Variants in SPAG16 observed in about 807,000 individuals in gnomAD.
SPAG16 encodes sperm-associated antigen 16 protein.
SPAG16 carries 86 observed loss-of-function variants against 80.4 expected under a neutral mutation model. The ratio of observed to expected loss-of-function variants is 1.07; its 90% CI spans 0.90 to 1.28. SPAG16 has a LOEUF of 1.28. Ranked by LOEUF, SPAG16 falls within the 50% of genes most tolerant of loss-of-function variation. SPAG16 has a pLI of 0.00. For synonymous variants in SPAG16, 294 were observed against 265.9 expected, an observed-to-expected ratio of 1.11 and a Z score of -1.03; for missense variants, 870 against 765.3, an observed-to-expected ratio of 1.14 and a Z score of -1.61.
intron 9 of SPAG16, among the ~76,000 whole-genome samples, chr2:213,379,774 C>A (rs1222916078): frequency 2.6e-5 from 4 of 152,176 alleles, no homozygotes; most frequent in Admixed American, 2.6e-4. Context: ...GGGCACTCAG[C>A]AGTAGCCATA....
chr2:214,057,955 A>C (rs1333560684), intron 13 of SPAG16, among the ~76,000 whole-genome samples: 1 of 151,954 alleles, frequency 6.6e-6, no homozygotes, highest in Non-Finnish European at 1.5e-5. Flanking sequence ...GCCTTCATAG[A>C]ACTGAAGAGA....
intron 13 of SPAG16, among the ~76,000 whole-genome samples, chr2:214,039,207 G>C (rs1293801416): frequency 6.6e-6 from 1 of 152,136 alleles, no homozygotes; most frequent in African/African-American, 2.4e-5. Flanking sequence ...AGCACCTGTT[G>C]TTTCTTGACT....
In SPAG16 at chr2:213,304,480, G is replaced by A. The variant is rs901930983; in HGVS notation, c.280-5579G>A. On this transcript the variant is annotated intron_variant, in intron 3 of 15. Transcript: ENST00000331683. ...CAGTGTCCTGAAGAGTTTCTTTTGG[G>A]AGTTTTCTCTTAGAAGGTCCACGGT... Among the ~76,000 whole-genome samples, 14 of 152,128 alleles carry A rather than the reference G, an allele frequency of 9.2e-5. No individual in the cohort carries two copies. The East Asian group carries it at 2.7e-3, about 29-fold the overall frequency.
chr2:213,682,389 C>G (rs1194388452), intron 10 of SPAG16, among the ~76,000 whole-genome samples: 1 of 152,102 alleles, frequency 6.6e-6, no homozygotes, highest in Non-Finnish European at 1.5e-5. Flanking sequence ...ATGTTGATTT[C>G]TTTATACTTT....
intron 7 of SPAG16, among the ~76,000 whole-genome samples, chr2:213,361,354 ATATG>A (rs1333531935): frequency 7.1e-5 from 10 of 141,396 alleles, no homozygotes; most frequent in Admixed American, 2.1e-4. Flanking sequence ...CTAACTCAGA[ATATG>A]TATGTATGTG....
intron 15 of SPAG16, among the ~76,000 whole-genome samples, chr2:214,260,964 G>A (rs1475706152): frequency 1.3e-5 from 2 of 151,610 alleles, no homozygotes; most frequent in African/African-American, 2.4e-5. Context: ...AAAATTAGCC[G>A]GGCGTGGTGG....
intron 7 of SPAG16, among the ~76,000 whole-genome samples, chr2:213,363,771 A>G (rs1337454351): frequency 6.6e-6 from 1 of 152,102 alleles, no homozygotes; most frequent in Non-Finnish European, 1.5e-5. Flanking sequence ...CTCTCTCAAA[A>G]TAGAGAATTG....
intron 12 of SPAG16, among the ~76,000 whole-genome samples, chr2:213,949,414 G>A (rs184109006): frequency 6.7e-4 from 102 of 151,990 alleles, no homozygotes; most frequent in Admixed American, 1.5e-3. Flanking sequence ...TGATCTACCC[G>A]CCTCGGCCTC....
intron 5 of SPAG16, among the ~76,000 whole-genome samples, chr2:213,319,566 T>C (rs1210795402): frequency 6.6e-6 from 1 of 151,970 alleles, no homozygotes; most frequent in Non-Finnish European, 1.5e-5. Flanking sequence ...TTGCTCACTA[T>C]GATTTTGTAT....
At chr2:213,488,299 A>T (rs2074081904) in intron 9 of SPAG16, among the ~76,000 whole-genome samples, 1 of 152,204 alleles carries the variant, frequency 6.6e-6, no homozygotes, top group Non-Finnish European at 1.5e-5. Context: ...AATTGCACAC[A>T]GTACTACATG....
At chr2:213,412,553 T>C (rs184147499) in intron 9 of SPAG16, among the ~76,000 whole-genome samples, 1 of 152,374 alleles carries the variant, frequency 6.6e-6, no homozygotes, top group Admixed American at 6.5e-5. Flanking sequence ...AATCCTATCA[T>C]ACTTCCCATA....
intron 10 of SPAG16, among the ~76,000 whole-genome samples, chr2:213,773,228 T>C (rs1225211904): frequency 6.6e-6 from 1 of 152,218 alleles, no homozygotes; most frequent in African/African-American, 2.4e-5. Context: ...TTCTGTTTTA[T>C]AGATGAGATT....
intron 9 of SPAG16, among the ~76,000 whole-genome samples, chr2:213,399,775 T>C (rs565292269): frequency 6.6e-6 from 1 of 152,152 alleles, no homozygotes; most frequent in African/African-American, 2.4e-5. Flanking sequence ...ATTGGAACTG[T>C]TATATATTTA....
intron 15 of SPAG16, among the ~76,000 whole-genome samples, chr2:214,256,324 T>A (rs1690680183): frequency 1.3e-5 from 2 of 151,912 alleles, no homozygotes; most frequent in Admixed American, 1.3e-4. Flanking sequence ...GCAGTAGAAC[T>A]TAGTTATTTA....
chr2:213,617,434 T>C (rs913139389), intron 10 of SPAG16, among the ~76,000 whole-genome samples: 1 of 152,112 alleles, frequency 6.6e-6, no homozygotes, highest in Non-Finnish European at 1.5e-5. Context: ...CTCTGCCTCC[T>C]GGGTTAAAGC....
chr2:213,906,869 A>G (rs573024031), intron 11 of SPAG16, among the ~76,000 whole-genome samples: 3 of 152,334 alleles, frequency 2.0e-5, no homozygotes, highest in African/African-American at 7.2e-5. Context: ...CTCAAAATGG[A>G]TTAAAGGCTT....
chr2:213,451,607 T>C (rs1019898049), intron 9 of SPAG16, among the ~76,000 whole-genome samples: 1 of 152,124 alleles, frequency 6.6e-6, no homozygotes, highest in African/African-American at 2.4e-5. Flanking sequence ...AAAAGTTTAA[T>C]AGGCAAAAGA....
intron 10 of SPAG16, among the ~76,000 whole-genome samples, chr2:213,611,277 G>T (rs192959136): frequency 4.6e-5 from 7 of 152,206 alleles, no homozygotes; most frequent in African/African-American, 1.7e-4. Context: ...GTTTTCCCTT[G>T]GCTCCTATGG....
chr2:213,573,315 G>C (rs1020023120), intron 10 of SPAG16, among the ~76,000 whole-genome samples: 3 of 152,138 alleles, frequency 2.0e-5, no homozygotes, highest in Non-Finnish European at 2.9e-5. Context: ...TTTAATCCTT[G>C]ATTAATTCTA....
Sources: allele counts gnomAD v4.1 joint callset (sites outside exome capture counted in the v4.1 genomes callset), GRCh38; gene constraint gnomAD v4.1.1; transcripts MANE v1.5; gene names NCBI Gene and HGNC (gene_info 2026-07-23, HGNC 2026-07-21).